The following BIN2 variants were observed in gnomAD, a reference collection of about 807,000 sequenced individuals.
BIN2 encodes bridging integrator 2.
Under a neutral mutation model 67.9 loss-of-function variants are expected in BIN2, and 43 were observed. The ratio of observed to expected loss-of-function variants is 0.63; its 90% CI spans 0.50 to 0.82. The LOEUF (loss-of-function observed/expected upper bound fraction) is 0.82. BIN2 is among the 40% of genes least tolerant of loss of function. The pLI is 0.00. For missense variants in BIN2, 581 were observed against 671.6 expected (o/e 0.87, Z 1.49); for synonymous variants, 244 against 246.8 (o/e 0.99, Z 0.11).
intron 2 of BIN2, 24 bp from the exon 3 acceptor site, chr12:51,303,165 T>A: frequency 6.2e-7 from 1 of 1,610,822 alleles, no homozygotes. Flanking sequence ...GTACATTTGG[T>A]GACTAAAGAG....
At chr12:51,316,493 C>T (rs1946137537) in intron 1 of BIN2, among the ~76,000 whole-genome samples, 1 of 150,674 alleles carries the variant, frequency 6.6e-6, no homozygotes, top group African/African-American at 2.4e-5. Flanking sequence ...GAAATTGTCT[C>T]AAAAAAAAGA....
rs1276533333 is a variant in BIN2, at chr12:51,284,591, C to G, written c.1668+125G>C. 4.4e-6 allele frequency: 3 copies of G among 676,742 alleles called. No individual in the cohort carries two copies. In the African/African-American group the frequency reaches 5.4e-5, roughly 12 times the overall value. 41.9% of individuals were successfully genotyped at this position (676,742 alleles called of 1,614,324 possible). The stretch of plus-strand genomic sequence containing the variant: ...TCTTGTTTCCTCTGATTCCCACCTG[C>G]TTGACTGCCCTAAGGGTATGGTTCA... On this transcript the variant is annotated intron_variant, in intron 12 of 12. Transcript: ENST00000615107.
At chr12:51,321,392 G>T (rs974722908) in intron 1 of BIN2, among the ~76,000 whole-genome samples, 44 of 152,052 alleles carry the variant, frequency 2.9e-4, no homozygotes, top group Admixed American at 2.5e-3. Flanking sequence ...AAGGGAGAGA[G>T]AATCACTTTG....
chr12:51,313,408 T>C (rs1455122229), intron 2 of BIN2, among the ~76,000 whole-genome samples: 2 of 151,642 alleles, frequency 1.3e-5, no homozygotes, highest in Non-Finnish European at 2.9e-5. Context: ...GCAAGATCTC[T>C]GTTCACTGCA....
rs1398193863 is a variant in BIN2, at chr12:51,295,578, ATATATATATATATATATATATATATAT to A, written c.761+191_761+217del. 3.2e-3 allele frequency among the ~76,000 whole-genome samples: 189 copies of A among 59,530 alleles called. 22 individuals carry two copies. The highest frequency in any genetic ancestry group is 0.02 in the East Asian group (51 of 2,552). 39.1% of individuals were successfully genotyped at this position (59,530 alleles called of 152,430 possible). On this transcript the variant is annotated intron_variant, in intron 9 of 12. Transcript: ENST00000615107. The stretch of plus-strand genomic sequence containing the variant: ...ACTCCGTCTCAAAAAAAAAAAAAAA[ATATATATATATATATATATATATATAT>A]ATATATATATATATATATATATATA...
chr12:51,299,110 T>A, intron 7 of BIN2, 93 bp downstream of exon 7: 2 of 905,358 alleles, frequency 2.2e-6, no homozygotes, highest in Non-Finnish European at 3.5e-6. Flanking sequence ...AGTGTGGGAA[T>A]TTAAATCTAA....
chr12:51,305,013 G>A (rs1056331013), intron 2 of BIN2, among the ~76,000 whole-genome samples: 12 of 149,474 alleles, frequency 8.0e-5, no homozygotes, highest in Admixed American at 3.4e-4. Flanking sequence ...GCCAGACTCC[G>A]TCTCAAAACA....
rs183710144 is a variant in BIN2, at chr12:51,294,296, T to G, written c.761+1500A>C. Among the ~76,000 whole-genome samples the G allele has an allele frequency of 3.8e-3, 580 of 152,072 alleles. 3 individuals carry two copies. Among genetic ancestry groups the G allele is most frequent in the African/African-American group, 0.013 (553 of 41,506 alleles). On this transcript the variant is annotated intron_variant, in intron 9 of 12. Coordinates refer to ENST00000615107, the MANE Select transcript of BIN2 (RefSeq NM_016293.4). ...TAAAAACATGCAAAACAGCCGGGCGTGGTGGCTCACACCGGTAATCCCAGC... is the reference window on the plus strand; with the variant it reads ...TAAAAACATGCAAAACAGCCGGGCGGGGTGGCTCACACCGGTAATCCCAGC...
chr12:51,313,938 T>C lies in BIN2; in HGVS notation c.82-35A>G, dbSNP rs535564392. 1.0e-4 allele frequency: 156 copies of C among 1,567,460 alleles called. No individual in the cohort carries two copies. In the East Asian group the frequency reaches 2.1e-3, roughly 21 times the overall value. On this transcript the variant is annotated intron_variant, in intron 1 of 12. Transcript: ENST00000615107. Reference sequence around the variant, plus strand: ...TAAGTCAGAAAGGCCCGTAAGGTTATAGTCAAGTCTCTCTTACATGTTGGC... The same window carrying C: ...TAAGTCAGAAAGGCCCGTAAGGTTACAGTCAAGTCTCTCTTACATGTTGGC...
intron 5 of BIN2, 28 bp from the exon 6 acceptor site, chr12:51,299,742 G>A (rs375843733): frequency 6.3e-7 from 1 of 1,591,800 alleles, no homozygotes; most frequent in Non-Finnish European, 8.6e-7. Flanking sequence ...GAAAGGGTGT[G>A]GATACTCACT....
At chr12:51,301,154 G>T (rs1461542046) in intron 5 of BIN2, among the ~76,000 whole-genome samples, 1 of 152,030 alleles carries the variant, frequency 6.6e-6, no homozygotes, top group East Asian at 1.9e-4. Flanking sequence ...GGAGGCGGGG[G>T]TTGCAGTGAG....
Position 51,299,259 on chromosome 12 carries a change from A to G in BIN2, c.546T>C (p.Thr182=), listed in dbSNP as rs1047248142. 5 of 1,613,722 alleles carry G rather than the reference A, an allele frequency of 3.1e-6. No individual in the cohort carries two copies. Among genetic ancestry groups the G allele is most frequent in the Non-Finnish European group, 4.2e-6 (5 of 1,179,750 alleles). The part of the protein sequence containing the change: ...KAEEEFNKAQ[T]VFEDLNQELL... The stretch of plus-strand genomic sequence containing the variant: ...GTTCTTGGTTCAGATCTTCAAACAC[A>G]GTCTGGGCTTTGTTGAACTCTTCCT... The change falls in exon 7 of 13, where the codon ACT becomes ACC. Residue 182 remains threonine (T), a synonymous_variant. Transcript: ENST00000615107.
intron 2 of BIN2, among the ~76,000 whole-genome samples, chr12:51,305,149 C>G (rs1945836940): frequency 6.6e-6 from 1 of 151,244 alleles, no homozygotes; most frequent in Non-Finnish European, 1.5e-5. Flanking sequence ...CCAGCCTGAC[C>G]AACATGGTGA....
chr12:51,289,733 G>T (rs1945334794), intron 10 of BIN2, among the ~76,000 whole-genome samples: 2 of 151,504 alleles, frequency 1.3e-5, no homozygotes, highest in African/African-American at 4.8e-5. Flanking sequence ...ATTTTTTTTT[G>T]AGATAGGGTC....
At chr12:51,298,610 C>T (rs2137386048) in intron 7 of BIN2, among the ~76,000 whole-genome samples, 1 of 151,878 alleles carries the variant, frequency 6.6e-6, no homozygotes, top group East Asian at 1.9e-4. Flanking sequence ...AATTAGGAGT[C>T]ACATAATGTT....
intron 11 of BIN2, among the ~76,000 whole-genome samples, chr12:51,285,843 C>T (rs528817194): frequency 1.1e-4 from 17 of 152,186 alleles, no homozygotes; most frequent in African/African-American, 3.9e-4. Context: ...ACCTCCCAAC[C>T]TCAAGTGATC....
At chr12:51,310,936 T>G (rs552386578) in intron 2 of BIN2, among the ~76,000 whole-genome samples, 3 of 151,880 alleles carry the variant, frequency 2.0e-5, no homozygotes, top group Non-Finnish European at 4.4e-5. Flanking sequence ...TTTTTGTATT[T>G]TTTGTAGAGA....
chr12:51,323,070 T>C (rs1653060628), intron 1 of BIN2: 1 of 152,172 alleles, frequency 6.6e-6, no homozygotes, highest in South Asian at 2.1e-4. Flanking sequence ...AACTTCTCCG[T>C]TGTAGAAGGC....
chr12:51,295,781 T>C lies in BIN2; in HGVS notation c.761+15A>G, dbSNP rs757504090. On this transcript the variant is annotated intron_variant, in intron 9 of 12. Transcript: ENST00000615107. The stretch of plus-strand genomic sequence containing the variant: ...ACAGGACAAGCGAAGCAAAAAAGTC[T>C]TGGATGCTGCTCACCTTGACAGTCC... The C allele has an allele frequency of 1.2e-6, 2 of 1,611,134 alleles. No individual in the cohort carries two copies. Among genetic ancestry groups the C allele is most frequent in the Non-Finnish European group, 1.7e-6 (2 of 1,178,714 alleles).
Sources: gnomAD v4.1 joint callset for allele counts (sites outside exome capture counted in the v4.1 genomes callset) on GRCh38, gnomAD v4.1.1 for gene constraint, MANE v1.5 for transcripts, NCBI Gene and HGNC (gene_info 2026-07-23, HGNC 2026-07-21) for gene names.